KHDRBS3: variants seen among roughly 807,000 people sequenced by gnomAD.
KHDRBS3 encodes KH domain-containing, RNA-binding, signal transduction-associated protein 3.
A neutral mutation model predicts 45.6 loss-of-function variants in KHDRBS3; 23 were observed. The observed-to-expected ratio is 0.50, with a 90% CI of 0.36 to 0.72. KHDRBS3 has a LOEUF of 0.72. KHDRBS3 is among the 30% of genes least tolerant of loss of function. The pLI is 0.00. For synonymous variants in KHDRBS3, 162 were observed against 156.5 expected (o/e 1.04, Z -0.26); for missense variants, 352 against 424.8 (o/e 0.83, Z 1.51).
At chr8:135,512,686 G>A (rs1197825236) in intron 1 of KHDRBS3, among the ~76,000 whole-genome samples, 1 of 152,086 alleles carries the variant, frequency 6.6e-6, no homozygotes, top group Non-Finnish European at 1.5e-5. Context: ...GTAACCATTT[G>A]TGCAGCCATT....
chr8:135,640,648 G>A (rs528556267), intron 7 of KHDRBS3, among the ~76,000 whole-genome samples: 28 of 152,252 alleles, frequency 1.8e-4, no homozygotes, highest in African/African-American at 5.5e-4. Flanking sequence ...CCTTTGACCC[G>A]TTGTAACGGG....
chr8:135,558,519 T>A (rs1378685145), intron 5 of KHDRBS3, among the ~76,000 whole-genome samples: 1 of 152,196 alleles, frequency 6.6e-6, no homozygotes, highest in Admixed American at 6.5e-5. Context: ...TATGCATTGC[T>A]GATTAGAGCA....
intron 8 of KHDRBS3, among the ~76,000 whole-genome samples, chr8:135,646,030 G>A (rs1231912198): frequency 4.4e-5 from 4 of 90,214 alleles, no homozygotes; most frequent in South Asian, 7.3e-4. Context: ...TTTGTTATCC[G>A]TAACAAACAC....
At chr8:135,619,034 C>T (rs1353124570) in intron 7 of KHDRBS3, among the ~76,000 whole-genome samples, 4 of 152,192 alleles carry the variant, frequency 2.6e-5, no homozygotes, top group African/African-American at 4.8e-5. Flanking sequence ...CAGAGTATCA[C>T]AAACCTAACT....
At chr8:135,499,639 C>G (rs1436353607) in intron 1 of KHDRBS3, among the ~76,000 whole-genome samples, 7 of 152,176 alleles carry the variant, frequency 4.6e-5, no homozygotes. Flanking sequence ...ATCTACAAAT[C>G]TCAGTTTGTT....
chr8:135,596,115 G>T (rs960148735), intron 6 of KHDRBS3, among the ~76,000 whole-genome samples: 5 of 152,142 alleles, frequency 3.3e-5, no homozygotes, highest in African/African-American at 1.2e-4. Context: ...TGACTCATGT[G>T]ACTATTTCCT....
intron 7 of KHDRBS3, among the ~76,000 whole-genome samples, chr8:135,619,169 G>A (rs10095894): frequency 0.17 from 25,589 of 152,052 alleles, 3,293 homozygotes; most frequent in East Asian, 0.53. Flanking sequence ...TTAGAAAGTA[G>A]GAAAATAATC....
rs187965355 is a variant in KHDRBS3 at position 135,562,669 on chromosome 8, G to A, written c.611+5082G>A. On this transcript the variant is annotated intron_variant, in intron 5 of 8. Coordinates refer to ENST00000355849, the MANE Select transcript of KHDRBS3 (RefSeq NM_006558.3). ...AGGGTAGAAAATTACAAAAACCCAAGGGTAAGGTCAGTACACAAAAACGTA... is the reference window on the plus strand; with the variant it reads ...AGGGTAGAAAATTACAAAAACCCAAAGGTAAGGTCAGTACACAAAAACGTA... Among the ~76,000 whole-genome samples the A allele has an allele frequency of 3.3e-5, 5 of 152,264 alleles. No homozygotes were observed. The East Asian group carries it at 9.7e-4, about 29-fold the overall frequency.
intron 7 of KHDRBS3, among the ~76,000 whole-genome samples, chr8:135,622,955 G>A (rs1316952496): frequency 6.6e-6 from 1 of 152,202 alleles, no homozygotes. Context: ...CGGCCTTCCT[G>A]CCACTTGGTA....
intron 6 of KHDRBS3, among the ~76,000 whole-genome samples, chr8:135,600,554 A>G (rs1829163163): frequency 6.6e-6 from 1 of 152,220 alleles, no homozygotes; most frequent in African/African-American, 2.4e-5. Context: ...GTGTGGACTG[A>G]TGGATTCTCA....
intron 1 of KHDRBS3, among the ~76,000 whole-genome samples, chr8:135,460,706 C>T (rs1312713655): frequency 6.6e-6 from 1 of 152,154 alleles, no homozygotes; most frequent in East Asian, 1.9e-4. Flanking sequence ...TCTGCACTTG[C>T]CTTCTTTGAA....
intron 3 of KHDRBS3, 86 bp downstream of exon 3, chr8:135,542,856 A>G (rs975109270): frequency 2.4e-5 from 21 of 881,408 alleles, no homozygotes; most frequent in Admixed American, 4.5e-5. Flanking sequence ...ATACATAGTT[A>G]CATAAGGGGA....
At chr8:135,523,654 A>G (rs1433513021) in intron 2 of KHDRBS3, among the ~76,000 whole-genome samples, 2 of 152,134 alleles carry the variant, frequency 1.3e-5, no homozygotes, top group Non-Finnish European at 2.9e-5. Flanking sequence ...AAATGAGGAG[A>G]GTAGGAATTA....
Position 135,548,994 on chromosome 8 carries a change from C to T in KHDRBS3, c.471+94C>T. ...GTCTGTAACTGTTATTTGCATAGCT[C>T]CTTTTCTGCTGTAAAGCTGTATGGA... On this transcript the variant is annotated intron_variant, in intron 4 of 8. Coordinates refer to ENST00000355849, the MANE Select transcript of KHDRBS3 (RefSeq NM_006558.3). 7 of 827,404 alleles carry T rather than the reference C, an allele frequency of 8.5e-6. No homozygotes were observed. In the East Asian group the frequency reaches 8.8e-5, roughly 10 times the overall value. 51.3% of individuals were successfully genotyped at this position (827,404 alleles called of 1,614,324 possible). A position where few individuals can be genotyped will look rare whatever the true frequency, so the allele number is the denominator to read the frequency against.
intron 1 of KHDRBS3, among the ~76,000 whole-genome samples, chr8:135,466,080 C>A (rs1821682867): frequency 6.6e-6 from 1 of 152,212 alleles, no homozygotes; most frequent in African/African-American, 2.4e-5. Flanking sequence ...TACCTTCTTT[C>A]TTTCGCATTG....
In KHDRBS3 at chr8:135,586,334, A is replaced by G. The variant is rs993060874; in HGVS notation, c.807+4261A>G. Among the ~76,000 whole-genome samples the G allele has an allele frequency of 2.6e-4, 40 of 152,162 alleles. 1 individual carries two copies. The highest frequency in any genetic ancestry group is 8.4e-4 in the African/African-American group (35 of 41,444). On this transcript the variant is annotated intron_variant, in intron 6 of 8. Transcript: ENST00000355849. ...GTGCTTTAAAAAACAAAACCAAAAA[A>G]AAAAACAGTGTTCCACTAGCCGAGG...
chr8:135,458,316 C>A (rs1821224387), intron 1 of KHDRBS3: 2 of 529,786 alleles, frequency 3.8e-6, no homozygotes, highest in East Asian at 1.0e-4. Flanking sequence ...GTGTTGGACT[C>A]GGGGAAGTAG....
At chr8:135,514,362 A>G (rs1212448888) in intron 1 of KHDRBS3, among the ~76,000 whole-genome samples, 1 of 152,248 alleles carries the variant, frequency 6.6e-6, no homozygotes, top group Non-Finnish European at 1.5e-5. Flanking sequence ...ATATAGCTAC[A>G]GTGGAATATT....
At chr8:135,559,563 C>A (rs4448311) in intron 5 of KHDRBS3, among the ~76,000 whole-genome samples, 121,394 of 152,014 alleles carry the variant, frequency 0.8, 49,016 homozygotes, top group East Asian at 0.96. Context: ...GGGTTTCACC[C>A]TGTTGGCCAG....
Sources: gnomAD v4.1 joint callset for allele counts (sites outside exome capture counted in the v4.1 genomes callset) on GRCh38, gnomAD v4.1.1 for gene constraint, MANE v1.5 for transcripts, NCBI Gene and HGNC (gene_info 2026-07-23, HGNC 2026-07-21) for gene names.